Variants in GRM3 observed in about 807,000 individuals in gnomAD.
GRM3 encodes the protein metabotropic glutamate receptor 3.
A neutral mutation model predicts 70.5 loss-of-function variants in GRM3; 26 were observed. The observed-to-expected ratio is 0.37, with a 90% CI of 0.27 to 0.51. GRM3 has a LOEUF of 0.51. GRM3 is among the 20% of genes least tolerant of loss of function. The pLI is 0.93. For synonymous variants in GRM3, 443 were observed against 434.9 expected, an observed-to-expected ratio of 1.02 and a Z score of -0.23; for missense variants, 859 against 1,123.8, an observed-to-expected ratio of 0.76 and a Z score of 3.37.
chr7:86,760,351 A>G (rs1478584586), intron 1 of GRM3, among the ~76,000 whole-genome samples: 5 of 152,164 alleles, frequency 3.3e-5, no homozygotes, highest in Non-Finnish European at 5.9e-5. Context: ...TAATGCATGA[A>G]TTAATAAAAC....
chr7:86,760,750 A>G (rs975360220), intron 1 of GRM3, among the ~76,000 whole-genome samples: 2 of 152,140 alleles, frequency 1.3e-5, no homozygotes, highest in Non-Finnish European at 1.5e-5. Context: ...GTTCTGCTAT[A>G]AAGAAAAAGT....
At chr7:86,661,789 A>C (rs536285170) in intron 1 of GRM3, among the ~76,000 whole-genome samples, 2,019 of 152,020 alleles carry the variant, frequency 0.013, 40 homozygotes, top group African/African-American at 0.046. Context: ...ATGACTTATC[A>C]AAAAACATGA....
intron 1 of GRM3, among the ~76,000 whole-genome samples, chr7:86,694,392 G>A (rs1262442566): frequency 6.6e-6 from 1 of 151,328 alleles, no homozygotes; most frequent in Non-Finnish European, 1.5e-5. Flanking sequence ...GGTGCCTGTA[G>A]TCCCAGCTAC....
chr7:86,863,893 A>G (rs1799007912), intron 5 of GRM3, among the ~76,000 whole-genome samples: 1 of 152,196 alleles, frequency 6.6e-6, no homozygotes. Flanking sequence ...ACGTTAGTGG[A>G]GGTATGTTCC....
chr7:86,646,758 G>T (rs1157564354), intron 1 of GRM3, among the ~76,000 whole-genome samples: 3 of 152,036 alleles, frequency 2.0e-5, no homozygotes, highest in Non-Finnish European at 4.4e-5. Flanking sequence ...TATTTAAATT[G>T]AATGGTATTT....
chr7:86,794,929 A>T (rs2116594132), intron 3 of GRM3, among the ~76,000 whole-genome samples: 1 of 152,256 alleles, frequency 6.6e-6, no homozygotes, highest in South Asian at 2.1e-4. Flanking sequence ...CCATAACTTA[A>T]ATTTACAAAA....
intron 1 of GRM3, among the ~76,000 whole-genome samples, chr7:86,758,525 C>T (rs1355628708): frequency 2.0e-5 from 3 of 152,056 alleles, no homozygotes; most frequent in South Asian, 2.1e-4. Flanking sequence ...CACATGTGTA[C>T]GTGCACACAT....
chr7:86,669,751 C>A (rs1378273056), intron 1 of GRM3, among the ~76,000 whole-genome samples: 1 of 152,156 alleles, frequency 6.6e-6, no homozygotes, highest in Non-Finnish European at 1.5e-5. Flanking sequence ...AAAAAATCTT[C>A]CTCAAACTGC....
intron 2 of GRM3, among the ~76,000 whole-genome samples, chr7:86,785,571 A>G (rs1390923641): frequency 6.6e-6 from 1 of 151,930 alleles, no homozygotes; most frequent in African/African-American, 2.4e-5. Context: ...CACATAGTCC[A>G]AGCAGAAAAA....
chr7:86,770,984 A>G (rs1320789768), intron 2 of GRM3, among the ~76,000 whole-genome samples: 2 of 152,112 alleles, frequency 1.3e-5, no homozygotes, highest in Non-Finnish European at 2.9e-5. Flanking sequence ...AAGCTTTGTC[A>G]TCTAAAAATG....
intron 1 of GRM3, among the ~76,000 whole-genome samples, chr7:86,666,137 T>C (rs1009409750): frequency 6.6e-6 from 1 of 152,060 alleles, no homozygotes; most frequent in Non-Finnish European, 1.5e-5. Flanking sequence ...AATAATCCTT[T>C]AGAGGTTTTA....
chr7:86,864,162 A>G (rs1562885914), intron 5 of GRM3, 120 bp from the exon 6 acceptor site: 7 of 683,606 alleles, frequency 1.0e-5, no homozygotes, highest in African/African-American at 3.7e-5. Flanking sequence ...GTAGTCTTTT[A>G]TCCCTCACCT....
At chr7:86,666,371 A>G (rs1794026411) in intron 1 of GRM3, among the ~76,000 whole-genome samples, 1 of 152,074 alleles carries the variant, frequency 6.6e-6, no homozygotes, top group Non-Finnish European at 1.5e-5. Context: ...TCTACAAACC[A>G]TCACCTTTTT....
At chr7:86,729,397 T>C (rs1007084249) in intron 1 of GRM3, among the ~76,000 whole-genome samples, 3 of 152,212 alleles carry the variant, frequency 2.0e-5, no homozygotes, top group Admixed American at 6.5e-5. Flanking sequence ...AGTATTATTG[T>C]GTTACATGTT....
intron 4 of GRM3, 118 bp downstream of exon 4, chr7:86,840,023 T>C (rs1584274247): frequency 1.5e-6 from 1 of 647,306 alleles, no homozygotes; most frequent in East Asian, 2.6e-5. Flanking sequence ...TCAAATGCCA[T>C]GATGAGCCTG....
At chr7:86,811,564 A>G (rs1258872359) in intron 3 of GRM3, among the ~76,000 whole-genome samples, 1 of 151,572 alleles carries the variant, frequency 6.6e-6, no homozygotes, top group Non-Finnish European at 1.5e-5. Flanking sequence ...CAAACCCTAA[A>G]CTGTGCCCTT....
intron 2 of GRM3, among the ~76,000 whole-genome samples, chr7:86,768,048 A>C (rs1308736997): frequency 1.3e-5 from 2 of 152,168 alleles, no homozygotes; most frequent in East Asian, 3.9e-4. Context: ...TAAAAGACCC[A>C]AAACTATCAT....
At chr7:86,706,537 T>C (rs1000752566) in intron 1 of GRM3, among the ~76,000 whole-genome samples, 1 of 152,164 alleles carries the variant, frequency 6.6e-6, no homozygotes, top group Non-Finnish European at 1.5e-5. Flanking sequence ...GGCAGTATGC[T>C]GATGTGCAAG....
intron 2 of GRM3, chr7:86,784,340 C>T (rs374794206): frequency 6.6e-6 from 1 of 152,064 alleles, no homozygotes; most frequent in African/African-American, 2.4e-5. Context: ...TTTTTAGGTC[C>T]TTTCATTCTC....
Sources: gnomAD v4.1 joint callset for allele counts (sites outside exome capture counted in the v4.1 genomes callset) on GRCh38, gnomAD v4.1.1 for gene constraint, MANE v1.5 for transcripts, NCBI Gene and HGNC (gene_info 2026-07-23, HGNC 2026-07-21) for gene names.